Variants in LLGL2 observed in about 807,000 individuals in gnomAD.
The protein encoded by LLGL2 is LLGL scribble cell polarity complex component 2, also known as LLGL2, scribble cell polarity complex component.
A neutral mutation model predicts 123.2 loss-of-function variants in LLGL2; 81 were observed. The ratio of observed to expected loss-of-function variants is 0.66; its 90% CI spans 0.55 to 0.79. The LOEUF is 0.79. Ranked by LOEUF, LLGL2 falls within the 30% of genes least tolerant of loss-of-function variation. The pLI is 0.00. For missense variants in LLGL2, 1,273 were observed against 1,414.6 expected (o/e 0.90, Z 1.61); for synonymous variants, 577 against 594.1 (o/e 0.97, Z 0.42).
chr17:75,558,449 C>T lies in LLGL2; in HGVS notation c.256-63C>T, dbSNP rs964136299. 613 of 1,398,990 alleles carry T rather than the reference C, an allele frequency of 4.4e-4. No individual in the cohort carries two copies. Among genetic ancestry groups the T allele is most frequent in the Non-Finnish European group, 5.9e-4 (595 of 1,015,830 alleles). 86.7% of individuals were successfully genotyped at this position (1,398,990 alleles called of 1,614,324 possible). A position where few individuals can be genotyped will look rare whatever the true frequency, so the allele number is the denominator to read the frequency against. On this transcript the variant is annotated intron_variant, in intron 4 of 25. Coordinates refer to ENST00000392550, the MANE Select transcript of LLGL2 (RefSeq NM_001031803.2). This position sits in a 1 kb window ranked among gnomAD's most constrained non-coding sequence, Gnocchi z 4.0. Reference sequence around the variant, plus strand: ...TTTAAACAACTGGGGCTGCGTGGCCCCAGTGTGTAAAGGCCTTGCCTGGGT... The same window carrying T: ...TTTAAACAACTGGGGCTGCGTGGCCTCAGTGTGTAAAGGCCTTGCCTGGGT...
At chr17:75,525,479 C>T (rs991884553), upstream of LLGL2, among the ~76,000 whole-genome samples, 1 of 151,778 alleles carries the variant, frequency 6.6e-6, no homozygotes, top group Non-Finnish European at 1.5e-5. This position sits in a 1 kb window ranked among gnomAD's most constrained non-coding sequence, Gnocchi z 4.8. Flanking sequence ...TCCAGGTGCG[C>T]GCAGGTGAGG....
Position 75,558,371 on chromosome 17 carries a change from T to C in LLGL2, c.255+135T>C, listed in dbSNP as rs2055014746. On this transcript the variant is annotated intron_variant, in intron 4 of 25. Coordinates refer to ENST00000392550, the MANE Select transcript of LLGL2 (RefSeq NM_001031803.2). This position sits in a 1 kb window ranked among gnomAD's most constrained non-coding sequence, Gnocchi z 4.0. ...GCTGATGGAAAGACCTGGGACCCCC[T>C]CCCTTTCCACAGCTGGGGCTCATGG... 1 of 1,148,416 alleles carries C rather than the reference T, an allele frequency of 8.7e-7. No homozygotes were observed. Among genetic ancestry groups the C allele is most frequent in the Admixed American group, 2.3e-5 (1 of 44,210 alleles). 71.1% of individuals were successfully genotyped at this position (1,148,416 alleles called of 1,614,324 possible).
At chr17:75,560,750 T>C (rs1191855340) in intron 6 of LLGL2, among the ~76,000 whole-genome samples, 1 of 135,868 alleles carries the variant, frequency 7.4e-6, no homozygotes, top group Non-Finnish European at 1.5e-5. Context: ...CCTCCCAGAG[T>C]GCTGGGATTA....
At chr17:75,526,358 C>T (rs893502637) in intron 1 of LLGL2, among the ~76,000 whole-genome samples, 3 of 152,250 alleles carry the variant, frequency 2.0e-5, no homozygotes, top group Admixed American at 6.5e-5. Flanking sequence ...GGTCTCCGGC[C>T]TTTCTCCAGC....
At chr17:75,556,008 C>T (rs766131458) in intron 2 of LLGL2, 38 bp from the exon 3 acceptor site, 5 of 1,525,706 alleles carry the variant, frequency 3.3e-6, no homozygotes, top group Non-Finnish European at 4.5e-6. Flanking sequence ...GCGAAGGGGA[C>T]AGGTCTGCAG....
In LLGL2 at chr17:75,555,873, G is replaced by C. The variant is rs112724865; in HGVS notation, c.76-173G>C. ...CAAGGGCAGAGTCACAAAGGGACAG[G>C]GGGTGGGGCCTGGTAAATATGGGTT... On this transcript the variant is annotated intron_variant, in intron 2 of 25. Transcript: ENST00000392550. 5.2e-4 allele frequency among the ~76,000 whole-genome samples: 75 copies of C among 144,564 alleles called. No individual in the cohort carries two copies. The Middle Eastern group carries it at 0.013, about 25-fold the overall frequency. 94.8% of individuals were successfully genotyped at this position (144,564 alleles called of 152,430 possible).
At chr17:75,541,715 C>CTTTTTTTTTTTT (rs56656168) in intron 1 of LLGL2, among the ~76,000 whole-genome samples, 5 of 31,510 alleles carry the variant, frequency 1.6e-4, no homozygotes, top group Non-Finnish European at 1.6e-4. Context: ...TGTGGCTCTG[C>CTTTTTTTTTTTT]TTTTTTTTTT....
chr17:75,565,262 C>T (rs2055395542), intron 10 of LLGL2, among the ~76,000 whole-genome samples: 1 of 152,198 alleles, frequency 6.6e-6, no homozygotes, highest in Non-Finnish European at 1.5e-5. Context: ...CAGGCAAGAC[C>T]AGAAAGGGCT....
chr17:75,548,918 C>T (rs1259271171), intron 2 of LLGL2, among the ~76,000 whole-genome samples: 1 of 152,214 alleles, frequency 6.6e-6, no homozygotes, highest in African/African-American at 2.4e-5. Context: ...GACGCCTTAC[C>T]AGGACTTGCC....
rs2055883777 is a variant in LLGL2 at position 75,574,501 on chromosome 17, G to T, written c.2996+6G>T. On this transcript the variant is annotated splice_donor_region_variant and intron_variant, in intron 24 of 25. Transcript: ENST00000392550. ...ACACTGGAGGGAGACCGCGGGTGAGGCACCGCCCAGGCCAGCTGGGGTGGG... is the reference window on the plus strand; with the variant it reads ...ACACTGGAGGGAGACCGCGGGTGAGTCACCGCCCAGGCCAGCTGGGGTGGG... The T allele has an allele frequency of 1.3e-6, 2 of 1,561,908 alleles. No homozygotes were observed. The highest frequency in any genetic ancestry group is 2.3e-5 in the South Asian group (2 of 85,330).
chr17:75,542,189 T>G (rs2054239333), intron 1 of LLGL2, among the ~76,000 whole-genome samples: 1 of 151,972 alleles, frequency 6.6e-6, no homozygotes, highest in African/African-American at 2.4e-5. Context: ...ATGGTTAATT[T>G]TTGCCACCTC....
rs2055915568 is a variant in LLGL2, at chr17:75,575,196, C to T, written c.*318C>T. 1.3e-5 allele frequency: 7 copies of T among 528,058 alleles called. No individual in the cohort carries two copies. The highest frequency in any genetic ancestry group is 3.3e-5 in the Admixed American group (1 of 30,090). The allele number at this position is 528,058 out of a possible 1,614,324, so 32.7% of individuals were successfully genotyped here. On this transcript the variant is annotated 3_prime_UTR_variant, in exon 26 of 26. Transcript: ENST00000392550. Reference sequence around the variant, plus strand: ...GGGTGAAAAAGTTTTTAATAAACACCTATTACCTCTTGACTGGTCCACTAC... The same window carrying T: ...GGGTGAAAAAGTTTTTAATAAACACTTATTACCTCTTGACTGGTCCACTAC...
chr17:75,540,652 G>A (rs1396152046), intron 1 of LLGL2, among the ~76,000 whole-genome samples: 1 of 152,212 alleles, frequency 6.6e-6, no homozygotes, highest in East Asian at 1.9e-4. Flanking sequence ...CCTTTGTTCT[G>A]TATTATCCAT....
intron 23 of LLGL2, 39 bp downstream of exon 23, chr17:75,574,299 T>TGGGGGGGGGGGGGGGGGGGGGGGGGG (rs1385936234): frequency 4.2e-6 from 1 of 236,736 alleles, no homozygotes; most frequent in Non-Finnish European, 6.5e-6. Context: ...GCAGGAGGGG[T>TGGGGGGGGGGGGGGGGGGGGGGGGGG]GGGGAAGGGG....
At chr17:75,538,717 G>A (rs1209758705) in intron 1 of LLGL2, 1 of 152,124 alleles carries the variant, frequency 6.6e-6, no homozygotes, top group African/African-American at 2.4e-5. Context: ...TGCAGGGAGG[G>A]AGAGAGAACA....
Position 75,571,839 on chromosome 17 carries a change from G to GGAGT in LLGL2, c.2294-57_2294-54dup, listed in dbSNP as rs2055723626. 4.4e-6 allele frequency: 7 copies of GGAGT among 1,603,996 alleles called. No individual in the cohort carries two copies. In the African/African-American group the frequency reaches 6.7e-5, roughly 15 times the overall value. The stretch of plus-strand genomic sequence containing the variant: ...CTCGGGCTGCCTGGGCTGGGTCCAG[G>GGAGT]GAGTGGCTCCAGCCCTGCCACCCCC... On this transcript the variant is annotated intron_variant, in intron 18 of 25. Coordinates refer to ENST00000392550, the MANE Select transcript of LLGL2 (RefSeq NM_001031803.2).
chr17:75,527,349 T>C (rs575366202), intron 1 of LLGL2, among the ~76,000 whole-genome samples: 1 of 152,246 alleles, frequency 6.6e-6, no homozygotes, highest in South Asian at 2.1e-4. Context: ...AACTCAGCTC[T>C]TAAGCTTCTA....
Position 75,563,193 on chromosome 17 carries a change from G to A in LLGL2, c.693+15G>A. On this transcript the variant is annotated intron_variant, in intron 7 of 25. Coordinates refer to ENST00000392550, the MANE Select transcript of LLGL2 (RefSeq NM_001031803.2). The stretch of plus-strand genomic sequence containing the variant: ...TCAGCAGCCAGGTAGGCAGTGCCCA[G>A]GACATGGCAGGCGCCATGTTGCTCT... The A allele has an allele frequency of 6.2e-7, 1 of 1,612,316 alleles. No individual in the cohort carries two copies.
Position 75,575,147 on chromosome 17 carries a change from A to G in LLGL2, c.*269A>G, listed in dbSNP as rs543755909. ...CCCTTTTTGTAGTGGGCTGGGTTTT[A>G]AGTTATAAATGTTAACTGCCTCTGG... On this transcript the variant is annotated 3_prime_UTR_variant, in exon 26 of 26. Transcript: ENST00000392550. The G allele has an allele frequency of 8.7e-6, 5 of 577,278 alleles. No individual in the cohort carries two copies. In the East Asian group the frequency reaches 1.4e-4, roughly 16 times the overall value. 35.8% of individuals were successfully genotyped at this position (577,278 alleles called of 1,614,324 possible).
Sources: gnomAD v4.1 joint callset for allele counts (sites outside exome capture counted in the v4.1 genomes callset) on GRCh38, gnomAD v4.1.1 for gene constraint, Gnocchi (gnomAD v3.1) non-coding constraint, MANE v1.5 for transcripts, NCBI Gene and HGNC (gene_info 2026-07-23, HGNC 2026-07-21) for gene names.